FARS2: variants seen among roughly 807,000 people sequenced by gnomAD.
FARS2 encodes phenylalanyl-tRNA synthetase 2, mitochondrial.
FARS2 carries 40 observed loss-of-function variants against 46.4 expected under a neutral mutation model. The ratio of observed to expected loss-of-function variants is 0.86; its 90% confidence interval spans 0.67 to 1.12. The LOEUF (loss-of-function observed/expected upper bound fraction) is 1.12, where lower values mean the gene tolerates loss of function less well. Ranked by LOEUF, FARS2 falls within the 50% of genes most tolerant of loss-of-function variation. The pLI, the probability that FARS2 is intolerant of heterozygous loss-of-function variation, is 0.00. For synonymous variants in FARS2, 234 were observed against 214.9 expected, an observed-to-expected ratio of 1.09 and a Z score of -0.78; for missense variants, 513 against 567.9, an observed-to-expected ratio of 0.90 and a Z score of 0.98.
intron 6 of FARS2, among the ~76,000 whole-genome samples, chr6:5,672,391 C>T (rs1041193608): frequency 6.6e-6 from 1 of 152,204 alleles, no homozygotes; most frequent in Non-Finnish European, 1.5e-5. Context: ...GCCAGTGTTC[C>T]TCCCACTGTA....
intron 6 of FARS2, among the ~76,000 whole-genome samples, chr6:5,704,530 C>A (rs1167737925): frequency 1.1e-4 from 17 of 152,224 alleles, no homozygotes; most frequent in African/African-American, 7.2e-5. Context: ...GTATAATTCT[C>A]TGCAACTATG....
At chr6:5,263,904 CTT>C (rs1765365651) in intron 1 of FARS2, among the ~76,000 whole-genome samples, 1 of 152,120 alleles carries the variant, frequency 6.6e-6, no homozygotes, top group Non-Finnish European at 1.5e-5. Context: ...GTAGTAGTAA[CTT>C]ACGATATTAT....
At chr6:5,487,343 C>G (rs1313660460) in intron 4 of FARS2, among the ~76,000 whole-genome samples, 1 of 152,174 alleles carries the variant, frequency 6.6e-6, no homozygotes, top group African/African-American at 2.4e-5. Context: ...TAGGGAGAAC[C>G]AGTCTCCAAT....
chr6:5,641,963 C>T (rs1184032203), intron 6 of FARS2, among the ~76,000 whole-genome samples: 2 of 152,214 alleles, frequency 1.3e-5, no homozygotes, highest in Non-Finnish European at 1.5e-5. Flanking sequence ...ATGTCCCTCT[C>T]ACTAGACTGT....
intron 1 of FARS2, among the ~76,000 whole-genome samples, chr6:5,307,988 A>G (rs1184678189): frequency 1.3e-5 from 2 of 152,204 alleles, no homozygotes; most frequent in African/African-American, 4.8e-5. Context: ...TGAATTGGCA[A>G]CTATTTGCAA....
chr6:5,365,080 A>T (rs547185024), intron 1 of FARS2, among the ~76,000 whole-genome samples: 2 of 151,976 alleles, frequency 1.3e-5, no homozygotes, highest in Non-Finnish European at 2.9e-5. Context: ...CCAAAAAAAA[A>T]AACCCCAAAC....
chr6:5,328,583 A>G (rs915356188), intron 1 of FARS2, among the ~76,000 whole-genome samples: 1 of 151,848 alleles, frequency 6.6e-6, no homozygotes, highest in African/African-American at 2.4e-5. Context: ...CTGGTCCATC[A>G]TGTCTCCGAC....
chr6:5,400,499 TTTC>T (rs996293454), intron 2 of FARS2, among the ~76,000 whole-genome samples: 16 of 152,174 alleles, frequency 1.1e-4, no homozygotes, highest in African/African-American at 3.8e-4. Context: ...TAGTTTATTA[TTTC>T]TTCTTTATGG....
chr6:5,382,077 T>A (rs1393893235), intron 2 of FARS2, among the ~76,000 whole-genome samples: 1 of 152,236 alleles, frequency 6.6e-6, no homozygotes. Flanking sequence ...CACTGGCCCT[T>A]GGAATCTTGT....
At chr6:5,285,095 AG>A (rs1193774852) in intron 1 of FARS2, among the ~76,000 whole-genome samples, 1 of 152,184 alleles carries the variant, frequency 6.6e-6, no homozygotes. Flanking sequence ...GTGACAGCAA[AG>A]GGGGCAGGCA....
intron 1 of FARS2, among the ~76,000 whole-genome samples, chr6:5,315,010 A>C (rs1769346898): frequency 6.6e-6 from 1 of 152,226 alleles, no homozygotes. Flanking sequence ...CAAAGCACGC[A>C]CATTCTGGGT....
chr6:5,682,577 G>T (rs1274426800), intron 6 of FARS2, among the ~76,000 whole-genome samples: 2 of 152,210 alleles, frequency 1.3e-5, no homozygotes, highest in African/African-American at 2.4e-5. Flanking sequence ...CAGTTGGTCT[G>T]TTCAGTCCTT....
chr6:5,635,516 A>G (rs1182465734), intron 6 of FARS2, among the ~76,000 whole-genome samples: 2 of 152,212 alleles, frequency 1.3e-5, no homozygotes, highest in African/African-American at 4.8e-5. Context: ...TTAACACCTT[A>G]AGGAAAAAAG....
chr6:5,299,234 G>C (rs1215441186), intron 1 of FARS2, among the ~76,000 whole-genome samples: 1 of 152,188 alleles, frequency 6.6e-6, no homozygotes, highest in Non-Finnish European at 1.5e-5. Context: ...GATAGTTCCT[G>C]AAGGTTTCTC....
At chr6:5,411,560 T>A (rs1761943560) in intron 3 of FARS2, among the ~76,000 whole-genome samples, 1 of 152,228 alleles carries the variant, frequency 6.6e-6, no homozygotes, top group Non-Finnish European at 1.5e-5. Flanking sequence ...TATTTGTTTT[T>A]ATGGTCCAGG....
At chr6:5,618,291 C>T (rs1451543616) in intron 6 of FARS2, among the ~76,000 whole-genome samples, 1 of 152,144 alleles carries the variant, frequency 6.6e-6, no homozygotes, top group Non-Finnish European at 1.5e-5. Flanking sequence ...GCCCATCCTC[C>T]CCATCTCCCC....
At chr6:5,388,114 A>G (rs957912636) in intron 2 of FARS2, among the ~76,000 whole-genome samples, 2 of 151,946 alleles carry the variant, frequency 1.3e-5, no homozygotes, top group African/African-American at 2.4e-5. Context: ...CTTTTCAGTT[A>G]TCTTTGACAG....
At chr6:5,356,479 A>G (rs912268429) in intron 1 of FARS2, among the ~76,000 whole-genome samples, 1 of 152,146 alleles carries the variant, frequency 6.6e-6, no homozygotes, top group African/African-American at 2.4e-5. Context: ...ATAGATAGAT[A>G]GATTAGATAG....
At chr6:5,679,061 T>A (rs1472335950) in intron 6 of FARS2, among the ~76,000 whole-genome samples, 1 of 152,220 alleles carries the variant, frequency 6.6e-6, no homozygotes, top group Non-Finnish European at 1.5e-5. Flanking sequence ...AATAGTAAGC[T>A]AAGCTCTAGG....
Sources: allele counts gnomAD v4.1 joint callset (sites outside exome capture counted in the v4.1 genomes callset), GRCh38; gene constraint gnomAD v4.1.1; transcripts MANE v1.5; gene names NCBI Gene and HGNC (gene_info 2026-07-23, HGNC 2026-07-21).